Variants in CNBP observed in about 807,000 individuals in gnomAD.
CNBP encodes the protein cellular nucleic acid-binding protein.
A neutral mutation model predicts 21.2 loss-of-function variants in CNBP; 6 were observed. The observed-to-expected ratio is 0.28, with a 90% CI of 0.16 to 0.56. CNBP has a LOEUF of 0.56. Among genes scored for constraint, CNBP ranks in the 20% least tolerant of loss-of-function variants. The pLI is 0.93. For missense variants in CNBP, 112 were observed against 233.1 expected, an observed-to-expected ratio of 0.48 and a Z score of 3.38; for synonymous variants, 61 against 74.9, an observed-to-expected ratio of 0.81 and a Z score of 0.96.
At chr3:129,181,076 C>CA (rs918223563) in intron 1 of CNBP, among the ~76,000 whole-genome samples, 4 of 149,578 alleles carry the variant, frequency 2.7e-5, no homozygotes, top group Non-Finnish European at 5.9e-5. Flanking sequence ...CCCGTCTCTA[C>CA]AAAAAATACA....
rs1576908279 is a variant in CNBP, at chr3:129,171,159, G to T, written c.336C>A (p.Asp112Glu). The change falls in exon 4 of 5, where the codon GAC becomes GAA. Residue 112 changes from aspartate (D) to glutamate (E), a missense_variant. By Grantham distance (45) the Asp-to-Glu change is conservative. Coordinates refer to ENST00000422453, the MANE Select transcript of CNBP (RefSeq NM_003418.5). ...AATAGCATTTCTGCTCATCTGCATGGTCGCAGTCACGAGCCAGATGGCCTG... is the reference window on the plus strand; with the variant it reads ...AATAGCATTTCTGCTCATCTGCATGTTCGCAGTCACGAGCCAGATGGCCTG... ...GKPGHLARDC[D>E]HADEQKCYSC... 6.2e-7 allele frequency: 1 copy of T among 1,614,106 alleles called. No individual in the cohort carries two copies. The highest frequency in any genetic ancestry group is 1.3e-5 in the African/African-American group (1 of 74,928).
At position 129,168,519 on chromosome 3, in the gene CNBP, CG is replaced by C. The variant is rs1937506388; in HGVS notation, c.*1933del. Among the ~76,000 whole-genome samples the C allele has an allele frequency of 3.9e-5, 1 of 25,480 alleles. No homozygotes were observed. Among genetic ancestry groups the C allele is most frequent in the African/African-American group, 1.6e-4 (1 of 6,346 alleles). The allele number at this position is 25,480 out of a possible 152,430, so 16.7% of individuals were successfully genotyped here. Reference sequence around the variant, plus strand: ...GGCTGAGGCAGGAGAATTACTTGAACGGGGTGTGGGGGTGGGGGGTGGAGGT... The same window carrying C: ...GGCTGAGGCAGGAGAATTACTTGAACGGGTGTGGGGGTGGGGGGTGGAGGT... On this transcript the variant is annotated 3_prime_UTR_variant, in exon 5 of 5. Coordinates refer to ENST00000422453, the MANE Select transcript of CNBP (RefSeq NM_003418.5).
intron 1 of CNBP, among the ~76,000 whole-genome samples, chr3:129,174,382 C>T (rs1396417151): frequency 9.2e-6 from 1 of 109,228 alleles, no homozygotes; most frequent in Non-Finnish European, 1.8e-5. Flanking sequence ...AAACGAATGG[C>T]GGGCAGGGCA....
chr3:129,179,541 G>T (rs1938147924), intron 1 of CNBP, among the ~76,000 whole-genome samples: 1 of 152,108 alleles, frequency 6.6e-6, no homozygotes, highest in South Asian at 2.1e-4. Context: ...AACCTCACGA[G>T]TTATGTATTC....
rs561145522 is a variant in CNBP at position 129,168,816 on chromosome 3, G to T, written c.*1637C>A. Among the ~76,000 whole-genome samples the T allele has an allele frequency of 6.6e-6, 1 of 151,842 alleles. No homozygotes were observed. The highest frequency in any genetic ancestry group is 1.5e-5 in the Non-Finnish European group (1 of 67,968). ...TCTCTACTAAAAATACAAAAAATAG[G>T]CCGGGCGCGGTGGCTCACGCCTGTG... On this transcript the variant is annotated 3_prime_UTR_variant, in exon 5 of 5. Coordinates refer to ENST00000422453, the MANE Select transcript of CNBP (RefSeq NM_003418.5).
chr3:129,174,374 A>AC (rs63491762), intron 1 of CNBP, among the ~76,000 whole-genome samples: 1 of 148,680 alleles, frequency 6.7e-6, no homozygotes, highest in Non-Finnish European at 1.5e-5. Context: ...AAAAAAAAAA[A>AC]CGAATGGCGG....
In CNBP at chr3:129,170,063, T is replaced by C. The variant is rs1937540931; in HGVS notation, c.*390A>G. On this transcript the variant is annotated 3_prime_UTR_variant, in exon 5 of 5. Transcript: ENST00000422453. ...GTCAGACAATCCAAGACCATCATTA[T>C]ACTAAAATTAAAGTTATTTATGGAA... 1 of 262,074 alleles carries C rather than the reference T, an allele frequency of 3.8e-6. No individual in the cohort carries two copies. Among genetic ancestry groups the C allele is most frequent in the South Asian group, 1.1e-4 (1 of 9,208 alleles). 16.2% of individuals were successfully genotyped at this position (262,074 alleles called of 1,614,324 possible).
chr3:129,181,159 G>C (rs953319354), intron 1 of CNBP, among the ~76,000 whole-genome samples: 1 of 138,806 alleles, frequency 7.2e-6, no homozygotes, highest in Non-Finnish European at 1.5e-5. Context: ...AGAATTGCTT[G>C]AGCCCGGGAG....
At position 129,168,878 on chromosome 3, in the gene CNBP, C is replaced by T. The variant is rs532658670; in HGVS notation, c.*1575G>A. Among the ~76,000 whole-genome samples, 97 of 151,302 alleles carry T rather than the reference C, an allele frequency of 6.4e-4. No individual in the cohort carries two copies. The highest frequency in any genetic ancestry group is 1.6e-3 in the Admixed American group (25 of 15,152). On this transcript the variant is annotated 3_prime_UTR_variant, in exon 5 of 5. Coordinates refer to ENST00000422453, the MANE Select transcript of CNBP (RefSeq NM_003418.5). The stretch of plus-strand genomic sequence containing the variant: ...TTGGGAGGCCAAGGCGGGCGGATCA[C>T]GAGGTCAGGAGATTGAGACCATCCT...
intron 1 of CNBP, among the ~76,000 whole-genome samples, chr3:129,177,235 C>T (rs140233936): frequency 6.6e-6 from 1 of 152,326 alleles, no homozygotes; most frequent in Non-Finnish European, 1.5e-5. Flanking sequence ...GCACCACTTA[C>T]TGAAGGTTCC....
chr3:129,183,559 A>C (rs1267055476), intron 1 of CNBP, among the ~76,000 whole-genome samples: 2 of 152,222 alleles, frequency 1.3e-5, no homozygotes, highest in Non-Finnish European at 2.9e-5. Flanking sequence ...CCAGCTTTCC[A>C]GGACGAAGAA....
Position 129,170,018 on chromosome 3 carries a change from G to T in CNBP, c.*435C>A. 4.1e-6 allele frequency: 1 copy of T among 242,262 alleles called. No homozygotes were observed. The highest frequency in any genetic ancestry group is 8.2e-6 in the Non-Finnish European group (1 of 122,220). The allele number at this position is 242,262 out of a possible 1,614,324, so 15.0% of individuals were successfully genotyped here. A position where few individuals can be genotyped will look rare whatever the true frequency, so the allele number is the denominator to read the frequency against. On this transcript the variant is annotated 3_prime_UTR_variant, in exon 5 of 5. Transcript: ENST00000422453. The stretch of plus-strand genomic sequence containing the variant: ...GGGCCTGATACAGATGTTACTTGAT[G>T]TTATTTAATAGCTACTGAGGTCAGA...
chr3:129,169,998 T>A lies in CNBP; in HGVS notation c.*455A>T, dbSNP rs1937539718. The A allele has an allele frequency of 8.4e-6, 2 of 239,448 alleles. No homozygotes were observed. The highest frequency in any genetic ancestry group is 1.3e-3 in the Middle Eastern group (1 of 796). The allele number at this position is 239,448 out of a possible 1,614,324, so 14.8% of individuals were successfully genotyped here. A position where few individuals can be genotyped will look rare whatever the true frequency, so the allele number is the denominator to read the frequency against. On this transcript the variant is annotated 3_prime_UTR_variant, in exon 5 of 5. Transcript: ENST00000422453. Reference sequence around the variant, plus strand: ...TCAACTGTATGTTCTATGTAGGGCCTGATACAGATGTTACTTGATGTTATT... The same window carrying A: ...TCAACTGTATGTTCTATGTAGGGCCAGATACAGATGTTACTTGATGTTATT...
intron 4 of CNBP, 140 bp from the exon 5 acceptor site, chr3:129,170,710 C>T (rs1937552689): frequency 7.4e-6 from 5 of 675,626 alleles, no homozygotes; most frequent in Middle Eastern, 3.6e-4. Flanking sequence ...ATGTACACAA[C>T]AACATTTATC....
chr3:129,174,196 G>A (rs1937725126), intron 1 of CNBP, among the ~76,000 whole-genome samples: 1 of 151,950 alleles, frequency 6.6e-6, no homozygotes, highest in Admixed American at 6.6e-5. Context: ...AACATTTCTA[G>A]TCAGAACAAA....
At chr3:129,176,050 A>C (rs997107269) in intron 1 of CNBP, among the ~76,000 whole-genome samples, 1 of 152,154 alleles carries the variant, frequency 6.6e-6, no homozygotes, top group African/African-American at 2.4e-5. Flanking sequence ...CACACTACTT[A>C]TATTAGGCAG....
intron 1 of CNBP, among the ~76,000 whole-genome samples, chr3:129,177,921 A>G (rs1484412883): frequency 6.6e-6 from 1 of 152,126 alleles, no homozygotes; most frequent in African/African-American, 2.4e-5. Flanking sequence ...GCATTTTGGG[A>G]GGCCGAGGCA....
chr3:129,168,355 A>G lies in CNBP; in HGVS notation c.*2098T>C, dbSNP rs956896845. 6.6e-6 allele frequency among the ~76,000 whole-genome samples: 1 copy of G among 152,018 alleles called. No homozygotes were observed. Among genetic ancestry groups the G allele is most frequent in the Non-Finnish European group, 1.5e-5 (1 of 68,014 alleles). ...CTTCAGATCCTTATGAAACCCAGGA[A>G]AAGGTGGGGCACAGTGGCTCACCTG... On this transcript the variant is annotated 3_prime_UTR_variant, in exon 5 of 5. Transcript: ENST00000422453.
At chr3:129,183,001 G>T (rs2107651780) in intron 1 of CNBP, among the ~76,000 whole-genome samples, 1 of 152,176 alleles carries the variant, frequency 6.6e-6, no homozygotes, top group African/African-American at 2.4e-5. Flanking sequence ...GCCCATGCTG[G>T]AGTGTAGTGG....
Sources: gnomAD v4.1 joint callset for allele counts (sites outside exome capture counted in the v4.1 genomes callset) on GRCh38, gnomAD v4.1.1 for gene constraint, MANE v1.5 for transcripts, NCBI Gene and HGNC (gene_info 2026-07-23, HGNC 2026-07-21) for gene names.